ATP10A: variants seen among roughly 807,000 people sequenced by gnomAD.
The protein encoded by ATP10A is phospholipid-transporting ATPase VA.
A neutral mutation model predicts 147.8 loss-of-function variants in ATP10A; 111 were observed. That is an observed-to-expected ratio of 0.75 (90% confidence interval 0.64 to 0.88). The LOEUF (loss-of-function observed/expected upper bound fraction) is 0.88, where lower values mean the gene tolerates loss of function less well. Among genes scored for constraint, ATP10A ranks in the 40% least tolerant of loss-of-function variants. The pLI, the probability that ATP10A is intolerant of heterozygous loss-of-function variation, is 0.00. For synonymous variants in ATP10A, 875 were observed against 841.6 expected, an observed-to-expected ratio of 1.04 and a Z score of -0.69; for missense variants, 1,927 against 1,959.0, an observed-to-expected ratio of 0.98 and a Z score of 0.31.
intron 1 of ATP10A, among the ~76,000 whole-genome samples, chr15:25,811,673 T>C (rs1032493233): frequency 6.6e-6 from 1 of 152,048 alleles, no homozygotes; most frequent in African/African-American, 2.4e-5. Context: ...ACTTGTGAGA[T>C]TGTGGGGAGA....
rs991916891 is a variant in ATP10A, at chr15:25,708,047, G to T, written c.2504C>A (p.Ser835Tyr). The T allele has an allele frequency of 2.5e-6, 4 of 1,614,174 alleles. No homozygotes were observed. Among genetic ancestry groups the T allele is most frequent in the African/African-American group, 1.3e-5 (1 of 75,060 alleles). ...GAGCTCCTCGCTGTTTTCCAGGGAG[G>T]ATTCGGCTTCTAGGTGGCTTTGCAA... ...CWLQSHLEAESSLENSEELLF... is the reference protein window; with the variant it reads ...CWLQSHLEAEYSLENSEELLF... The change falls in exon 12 of 21, where the codon TCC becomes TAC. Residue 835 changes from serine (S) to tyrosine (Y), a missense_variant. By Grantham distance (144) the Ser-to-Tyr change is moderately radical (BLOSUM62 -2). Transcript: ENST00000555815.
chr15:25,726,323 T>C (rs1292170407), intron 4 of ATP10A, among the ~76,000 whole-genome samples: 1 of 152,096 alleles, frequency 6.6e-6, no homozygotes, highest in Non-Finnish European at 1.5e-5. Flanking sequence ...TGGAAAGAAA[T>C]ACACTACCGT....
At chr15:25,821,377 T>G (rs1410433362) in intron 1 of ATP10A, among the ~76,000 whole-genome samples, 4 of 145,406 alleles carry the variant, frequency 2.8e-5, no homozygotes, top group Admixed American at 7.0e-5. Flanking sequence ...GGTGACAGAG[T>G]AAGACCCTGT....
intron 1 of ATP10A, among the ~76,000 whole-genome samples, chr15:25,805,597 T>C (rs765196392): frequency 2.0e-5 from 3 of 152,172 alleles, no homozygotes; most frequent in African/African-American, 4.8e-5. Context: ...GCAGGTCTCA[T>C]TCCTCTCTGG....
At position 25,679,365 on chromosome 15, in the gene ATP10A, T is replaced by G. The variant is rs1899230317; in HGVS notation, c.4476A>C (p.Gly1492=). 1 of 1,535,174 alleles carries G rather than the reference T, an allele frequency of 6.5e-7. No individual in the cohort carries two copies. The highest frequency in any genetic ancestry group is 1.4e-5 in the African/African-American group (1 of 72,944). The change falls in exon 21 of 21, where the codon GGA becomes GGC. Residue 1492 remains glycine, a synonymous_variant. Transcript: ENST00000555815. ...LQGPDHRLLI[G]ASSRRSQ The stretch of plus-strand genomic sequence containing the variant: ...TTCACTGTGACCGCCTTGAAGATGC[T>G]CCTATAAGTAGTCTGTGGTCTGGCC...
chr15:25,810,517 G>A (rs184136668), intron 1 of ATP10A, among the ~76,000 whole-genome samples: 8 of 152,260 alleles, frequency 5.3e-5, no homozygotes, highest in East Asian at 1.9e-4. Context: ...CTCTGGGCAC[G>A]GGGACTGTTT....
chr15:25,839,458 C>T (rs12441995), intron 1 of ATP10A, among the ~76,000 whole-genome samples: 94,715 of 151,470 alleles, frequency 0.63, 32,026 homozygotes, highest in East Asian at 0.91. Flanking sequence ...ATGCTTATCT[C>T]CGTACCCGTG....
intron 15 of ATP10A, among the ~76,000 whole-genome samples, chr15:25,688,878 T>C (rs1899851794): frequency 6.6e-6 from 1 of 152,242 alleles, no homozygotes; most frequent in South Asian, 2.1e-4. Context: ...TTTCGTGTTC[T>C]GTAATGCTTT....
At chr15:25,839,453 T>A (rs1265423944) in intron 1 of ATP10A, among the ~76,000 whole-genome samples, 1 of 152,150 alleles carries the variant, frequency 6.6e-6, no homozygotes, top group Non-Finnish European at 1.5e-5. Context: ...TCTTAATGCT[T>A]ATCTCCGTAC....
At chr15:25,766,593 A>G (rs1021551518) in intron 2 of ATP10A, among the ~76,000 whole-genome samples, 1 of 151,484 alleles carries the variant, frequency 6.6e-6, no homozygotes, top group Non-Finnish European at 1.5e-5. Flanking sequence ...ACCAGCCTCT[A>G]TTGTAATTGG....
chr15:25,743,132 G>A (rs1887659828), intron 2 of ATP10A, among the ~76,000 whole-genome samples: 1 of 152,174 alleles, frequency 6.6e-6, no homozygotes, highest in Non-Finnish European at 1.5e-5. Context: ...AGAGTTCCAT[G>A]GACCACAGGG....
At chr15:25,706,186 G>A (rs1900999922) in intron 12 of ATP10A, among the ~76,000 whole-genome samples, 2 of 152,200 alleles carry the variant, frequency 1.3e-5, no homozygotes, top group South Asian at 2.1e-4. Flanking sequence ...TTAACCATGA[G>A]CCTCGGGTGC....
intron 2 of ATP10A, among the ~76,000 whole-genome samples, chr15:25,771,531 C>T (rs571552116): frequency 6.6e-6 from 1 of 152,138 alleles, no homozygotes; most frequent in Non-Finnish European, 1.5e-5. Flanking sequence ...AGAACAAAGA[C>T]AAGACTCCTC....
At chr15:25,804,493 C>G (rs932956896) in intron 1 of ATP10A, among the ~76,000 whole-genome samples, 2 of 150,940 alleles carry the variant, frequency 1.3e-5, no homozygotes, top group Non-Finnish European at 3.0e-5. Context: ...TGGTGTGTGT[C>G]TGTGTGTGTG....
intron 12 of ATP10A, among the ~76,000 whole-genome samples, chr15:25,705,091 G>A (rs1368646441): frequency 3.3e-5 from 5 of 152,188 alleles, no homozygotes; most frequent in Non-Finnish European, 7.3e-5. Flanking sequence ...AGCATGGAGA[G>A]AACGGAGATC....
intron 7 of ATP10A, among the ~76,000 whole-genome samples, chr15:25,718,978 C>T (rs1902033084): frequency 6.6e-6 from 1 of 152,186 alleles, no homozygotes; most frequent in Non-Finnish European, 1.5e-5. Flanking sequence ...TGTGATGTTG[C>T]CCTGCTGAGC....
chr15:25,762,705 C>T (rs1029315419), intron 2 of ATP10A, among the ~76,000 whole-genome samples: 1 of 152,142 alleles, frequency 6.6e-6, no homozygotes, highest in African/African-American at 2.4e-5. Flanking sequence ...CCTCAGCCTC[C>T]TAACCAGCTA....
chr15:25,855,346 G>A (rs185375876), intron 1 of ATP10A, among the ~76,000 whole-genome samples: 1 of 152,194 alleles, frequency 6.6e-6, no homozygotes, highest in East Asian at 1.9e-4. Flanking sequence ...CAATTAATGA[G>A]TATATGTCAT....
intron 13 of ATP10A, among the ~76,000 whole-genome samples, chr15:25,699,844 G>C (rs527895520): frequency 6.6e-6 from 1 of 152,144 alleles, no homozygotes; most frequent in South Asian, 2.1e-4. Context: ...CTCCAGCCTG[G>C]ATAACAGAGT....
Sources: allele counts gnomAD v4.1 joint callset (sites outside exome capture counted in the v4.1 genomes callset), GRCh38; gene constraint gnomAD v4.1.1; transcripts MANE v1.5; gene names NCBI Gene and HGNC (gene_info 2026-07-23, HGNC 2026-07-21).